GPS1: variants seen among roughly 807,000 people sequenced by gnomAD.
The protein encoded by GPS1 is G protein pathway suppressor 1, also known as COP9 signalosome complex subunit 1.
GPS1 carries 11 observed loss-of-function variants against 60.0 expected under a neutral mutation model. The observed-to-expected ratio is 0.18, with a 90% confidence interval of 0.12 to 0.30. The LOEUF (loss-of-function observed/expected upper bound fraction) is 0.30. Among genes scored for constraint, GPS1 ranks in the 10% least tolerant of loss-of-function variants. The probability of loss-of-function intolerance (pLI) is 1.00; values close to 1 mark genes in which losing one functional copy is unlikely to be tolerated. For missense variants in GPS1, 543 were observed against 669.2 expected (o/e 0.81, Z 2.08); for synonymous variants, 343 against 269.8 (o/e 1.27, Z -2.66).
In GPS1 at chr17:82,056,769, G is replaced by T. The variant is rs1183278209; in HGVS notation, c.1254+3G>T. The T allele has an allele frequency of 1.3e-6, 2 of 1,596,496 alleles. No homozygotes were observed. The highest frequency in any genetic ancestry group is 4.5e-5 in the East Asian group (2 of 44,622). On this transcript the variant is annotated splice_donor_region_variant and intron_variant, in intron 11 of 12. Coordinates refer to ENST00000578552, the MANE Select transcript of GPS1 (RefSeq NM_001321092.3). ...CCCGTGTGGACTCACACAGCAAGGTGGCTGTGGGCTGCGGGGCGGTGGGGG... is the reference window on the plus strand; with the variant it reads ...CCCGTGTGGACTCACACAGCAAGGTTGCTGTGGGCTGCGGGGCGGTGGGGG...
intron 1 of GPS1, 41 bp downstream of exon 1, chr17:82,052,005 C>T (rs2030765590): frequency 8.8e-7 from 1 of 1,139,642 alleles, no homozygotes. Flanking sequence ...CGCCCCCGCG[C>T]CCCCCGCCAC....
At chr17:82,055,299 G>C in intron 6 of GPS1, 77 bp downstream of exon 6, 1 of 1,435,076 alleles carries the variant, frequency 7.0e-7, no homozygotes, top group Non-Finnish European at 9.6e-7. Flanking sequence ...CAGTAGGCTG[G>C]TCCCTGCCTC....
intron 1 of GPS1, chr17:82,052,238 C>T (rs1486597915): frequency 3.1e-6 from 5 of 1,600,558 alleles, no homozygotes; most frequent in Non-Finnish European, 4.3e-6. Flanking sequence ...CCGACGCTAA[C>T]GCTCTTTCTC....
chr17:82,054,292 C>G (rs1430502330), intron 3 of GPS1: 4 of 766,786 alleles, frequency 5.2e-6, no homozygotes, highest in Non-Finnish European at 8.1e-6. Flanking sequence ...GGGGCCGCCT[C>G]CCTGCTGGTT....
chr17:82,053,197 C>CA, intron 1 of GPS1, 77 bp from the exon 2 acceptor site: 2 of 1,182,968 alleles, frequency 1.7e-6, no homozygotes, highest in East Asian at 3.1e-5. Context: ...GAGCTGACCT[C>CA]AGAGAACAGT....
chr17:82,053,608 A>G (rs1199184409), intron 2 of GPS1: 1 of 538,188 alleles, frequency 1.9e-6, no homozygotes, highest in Non-Finnish European at 3.2e-6. Flanking sequence ...CCTAGCGACC[A>G]GCAGTCACTA....
At chr17:82,054,444 C>A in intron 3 of GPS1, 66 bp from the exon 4 acceptor site, 1 of 1,436,644 alleles carries the variant, frequency 7.0e-7, no homozygotes. Flanking sequence ...CTGAGATTGG[C>A]GGCTTCCTCC....
Position 82,056,544 on chromosome 17 carries a change from C to T in GPS1, c.1110C>T (p.Leu370=), listed in dbSNP as rs1420281706. The change falls in exon 10 of 13, where the codon CTC becomes CTT. Residue 370 remains leucine, a synonymous_variant. Transcript: ENST00000578552. ...TLYTQIRNRA[L]IQYFSPYVSA... ...ACACCCAGATTCGCAACCGTGCCCT[C>T]ATCCAGGTAAGCGTGGGGGTCAGGC... 2.5e-6 allele frequency: 4 copies of T among 1,613,046 alleles called. No homozygotes were observed. The East Asian group carries it at 8.9e-5, about 36-fold the overall frequency.
rs778239246 is a variant in GPS1 at position 82,057,265 on chromosome 17, C to T, written c.*138C>T. 2 of 1,152,326 alleles carry T rather than the reference C, an allele frequency of 1.7e-6. No homozygotes were observed. Among genetic ancestry groups the T allele is most frequent in the East Asian group, 2.5e-5 (1 of 39,552 alleles). The allele number at this position is 1,152,326 out of a possible 1,614,324, so 71.4% of individuals were successfully genotyped here. On this transcript the variant is annotated 3_prime_UTR_variant, in exon 13 of 13. Coordinates refer to ENST00000578552, the MANE Select transcript of GPS1 (RefSeq NM_001321092.3). Reference sequence around the variant, plus strand: ...GTGCCACCCAGCCTGTGTGCCCTCCCTGGGGCTGAGGAGGCAGGCGGCTGC... The same window carrying T: ...GTGCCACCCAGCCTGTGTGCCCTCCTTGGGGCTGAGGAGGCAGGCGGCTGC...
At chr17:82,054,253 C>A in intron 3 of GPS1, 1 of 738,684 alleles carries the variant, frequency 1.4e-6, no homozygotes, top group Non-Finnish European at 2.1e-6. Flanking sequence ...GCTTTGATTC[C>A]AAGGGGAGCT....
Position 82,056,762 on chromosome 17 carries a change from G to C in GPS1, c.1250G>C (p.Ser417Thr), listed in dbSNP as rs1460704912. The change falls in exon 11 of 13, where the codon AGC (serine) becomes ACC (threonine). Residue 417 changes from serine to threonine, a missense_variant. This residue lies in a region of GPS1 where 291 missense variants were observed against 353.7 expected (regional missense o/e 0.82). Transcript: ENST00000578552. The part of the protein sequence containing the change: ...GLISARVDSH[S>T]KILYARDVDQ... The stretch of plus-strand genomic sequence containing the variant: ...ATCAGTGCCCGTGTGGACTCACACA[G>C]CAAGGTGGCTGTGGGCTGCGGGGCG... 6.3e-7 allele frequency: 1 copy of C among 1,593,992 alleles called. No individual in the cohort carries two copies. Among genetic ancestry groups the C allele is most frequent in the Non-Finnish European group, 8.6e-7 (1 of 1,169,376 alleles).
At chr17:82,055,699 A>T in intron 6 of GPS1, 41 bp from the exon 7 acceptor site, 225 of 1,017,616 alleles carry the variant, frequency 2.2e-4, no homozygotes, top group Non-Finnish European at 3.1e-4. Flanking sequence ...CTGGGGTCTT[A>T]CCCCCTCTCC....
chr17:82,057,278 G>A lies in GPS1; in HGVS notation c.*151G>A. ...TGTGTGCCCTCCCTGGGGCTGAGGA[G>A]GCAGGCGGCTGCTAGTTGTGGCCCT... On this transcript the variant is annotated 3_prime_UTR_variant, in exon 13 of 13. Coordinates refer to ENST00000578552, the MANE Select transcript of GPS1 (RefSeq NM_001321092.3). 9.9e-7 allele frequency: 1 copy of A among 1,015,154 alleles called. No individual in the cohort carries two copies. Among genetic ancestry groups the A allele is most frequent in the Non-Finnish European group, 1.5e-6 (1 of 658,314 alleles). The allele number at this position is 1,015,154 out of a possible 1,614,324, so 62.9% of individuals were successfully genotyped here. A position where few individuals can be genotyped will look rare whatever the true frequency, so the allele number is the denominator to read the frequency against.
upstream of GPS1, chr17:82,051,015 G>A (rs866994883): frequency 2.5e-5 from 35 of 1,403,892 alleles, no homozygotes; most frequent in African/African-American, 4.8e-4. This position sits in a 1 kb window ranked among gnomAD's most constrained non-coding sequence, Gnocchi z 4.1. Context: ...CCCTGACCTG[G>A]CCTGGAAGGG....
chr17:82,055,102 G>A (rs765958479), intron 5 of GPS1, 60 bp from the exon 6 acceptor site: 1 of 1,565,616 alleles, frequency 6.4e-7, no homozygotes, highest in Non-Finnish European at 8.7e-7. Context: ...TCTGGGGGCT[G>A]GGCATCGAGC....
chr17:82,053,901 C>G lies in GPS1; in HGVS notation c.160C>G (p.Leu54Val). The G allele has an allele frequency of 6.2e-7, 1 of 1,612,440 alleles. No homozygotes were observed. Among genetic ancestry groups the G allele is most frequent in the Non-Finnish European group, 8.5e-7 (1 of 1,179,852 alleles). The change falls in exon 3 of 13, where the codon CTG becomes GTG. Residue 54 changes from leucine to valine, a missense_variant. By Grantham distance (32) the Leu-to-Val change is conservative (BLOSUM62 1). This residue lies in a region of GPS1 where 181 missense variants were observed against 188.8 expected (regional missense o/e 0.96). Coordinates refer to ENST00000578552, the MANE Select transcript of GPS1 (RefSeq NM_001321092.3). ...ACAGTACGCGGCCAGCTACAGCGGC[C>G]TGATGCGCATCGAACGGCTGCAGTT... ...LEQYAASYSG[L>V]MRIERLQFIA...
At position 82,054,573 on chromosome 17, in the gene GPS1, G is replaced by C; in HGVS notation, c.372G>C (p.Thr124=). ...GCGTGGAGCCCCCAGCCCTGGACAC[G>C]GCCTGGGTGGAGGCCACGCGGAAGA... is the stretch of plus-strand genomic sequence containing the variant. ...ESGVEPPALD[T]AWVEATRKKA... is the part of the protein sequence containing the mutation. The change falls in exon 4 of 13, where the codon ACG becomes ACC. Residue 124 remains threonine (T), a synonymous_variant. Coordinates refer to ENST00000578552, the MANE Select transcript of GPS1 (RefSeq NM_001321092.3). 2.5e-6 allele frequency: 4 copies of C among 1,597,790 alleles called. No individual in the cohort carries two copies. The highest frequency in any genetic ancestry group is 2.6e-6 in the Non-Finnish European group (3 of 1,173,568).
intron 8 of GPS1, 44 bp from the exon 9 acceptor site, chr17:82,056,242 A>C: frequency 6.9e-7 from 1 of 1,439,640 alleles, no homozygotes; most frequent in African/African-American, 1.4e-5. Flanking sequence ...ACTTGGAGGG[A>C]GGGGCAGGCA....
chr17:82,054,618 G>A lies in GPS1; in HGVS notation c.417G>A (p.Glu139=), dbSNP rs773111199. Residue 139 remains glutamate (E), a synonymous_variant, in exon 4 of 13, where the codon GAG becomes GAA. Coordinates refer to ENST00000578552, the MANE Select transcript of GPS1 (RefSeq NM_001321092.3). The part of the protein sequence containing the change: ...ATRKKALLKL[E]KLDTDLKNYK... The stretch of plus-strand genomic sequence containing the variant: ...GGAAGAAGGCGCTGCTGAAGCTGGA[G>A]AAGCTGGACACAGACCTGAAGAACT... 4 of 1,609,248 alleles carry A rather than the reference G, an allele frequency of 2.5e-6. No individual in the cohort carries two copies. Among genetic ancestry groups the A allele is most frequent in the Admixed American group, 3.3e-5 (2 of 59,876 alleles).
Sources: gnomAD v4.1 joint callset for allele counts on GRCh38, gnomAD v4.1.1 for gene constraint, gnomAD v4.1.1 regional missense constraint, Gnocchi (gnomAD v3.1) non-coding constraint, MANE v1.5 for transcripts, NCBI Gene and HGNC (gene_info 2026-07-23, HGNC 2026-07-21) for gene names.